Variants in SLC22A23 observed in about 807,000 individuals in gnomAD.
SLC22A23 encodes the protein solute carrier family 22 member 23.
In SLC22A23, 26 loss-of-function variants were observed where a neutral mutation model predicts 61.0. The observed-to-expected ratio is 0.43, with a 90% CI of 0.31 to 0.59. The LOEUF is 0.59. SLC22A23 is among the 20% of genes least tolerant of loss of function. The pLI is 0.11. For synonymous variants in SLC22A23, 430 were observed against 413.9 expected (o/e 1.04, Z -0.47); for missense variants, 796 against 934.7 (o/e 0.85, Z 1.94).
intron 3 of SLC22A23, among the ~76,000 whole-genome samples, chr6:3,369,933 A>G (rs1766099923): frequency 1.3e-5 from 2 of 152,256 alleles, no homozygotes; most frequent in South Asian, 4.1e-4. Context: ...CATTCAAGAG[A>G]AAAAATAATA....
intron 3 of SLC22A23, among the ~76,000 whole-genome samples, chr6:3,380,325 G>C (rs28414822): frequency 0.013 from 2,012 of 152,304 alleles, 47 homozygotes; most frequent in African/African-American, 0.041. Flanking sequence ...AAGTAAGATA[G>C]TAGTATAAGG....
At chr6:3,289,353 G>A (rs1760350695) in intron 6 of SLC22A23, among the ~76,000 whole-genome samples, 1 of 152,266 alleles carries the variant, frequency 6.6e-6, no homozygotes, top group South Asian at 2.1e-4. Flanking sequence ...CCTTTGGCCA[G>A]GCTGGCTGCA....
chr6:3,389,776 TGCAAAGCAG>T (rs1438147815), intron 3 of SLC22A23, among the ~76,000 whole-genome samples: 1 of 152,244 alleles, frequency 6.6e-6, no homozygotes. Flanking sequence ...GAATCACCCC[TGCAAAGCAG>T]GCATAAGGGG....
intron 3 of SLC22A23, among the ~76,000 whole-genome samples, chr6:3,374,341 G>A (rs6919934): frequency 0.48 from 72,410 of 152,086 alleles, 17,508 homozygotes; most frequent in Middle Eastern, 0.56. Flanking sequence ...CTGGGTGGAT[G>A]AGAATAACCA....
At chr6:3,273,477 C>T (rs911732871) in intron 9 of SLC22A23, 65 bp from the exon 10 acceptor site, 11 of 1,570,540 alleles carry the variant, frequency 7.0e-6, no homozygotes, top group Admixed American at 1.7e-5. Flanking sequence ...CGGGAAAGCT[C>T]GGGGTGGACC....
intron 1 of SLC22A23, 93 bp downstream of exon 1, chr6:3,455,813 C>T (rs1442245306): frequency 1.4e-6 from 2 of 1,408,588 alleles, no homozygotes; most frequent in Admixed American, 2.8e-5. Flanking sequence ...TCTAGCACCA[C>T]CACTTTGGGG....
chr6:3,443,665 A>C (rs1771732617), intron 1 of SLC22A23, among the ~76,000 whole-genome samples: 1 of 152,202 alleles, frequency 6.6e-6, no homozygotes, highest in Non-Finnish European at 1.5e-5. Flanking sequence ...AGCCGGAACC[A>C]TATCCTGTCA....
rs1294627484 is a variant in SLC22A23 at position 3,269,006 on chromosome 6, C to G, written c.*4049G>C. The G allele has an allele frequency of 3.3e-5, 5 of 152,312 alleles. No homozygotes were observed. The highest frequency in any genetic ancestry group is 1.2e-4 in the African/African-American group (5 of 41,434). 9.4% of individuals were successfully genotyped at this position (152,312 alleles called of 1,614,324 possible). ...AAATACTTTATTAAAGAAATATTGT[C>G]ATTTTCGTTAAAAAATACATTAGAG... On this transcript the variant is annotated 3_prime_UTR_variant, in exon 10 of 10. Coordinates refer to ENST00000406686, the MANE Select transcript of SLC22A23 (RefSeq NM_015482.2).
At chr6:3,444,169 T>C (rs2127553992) in intron 1 of SLC22A23, among the ~76,000 whole-genome samples, 1 of 152,302 alleles carries the variant, frequency 6.6e-6, no homozygotes, top group South Asian at 2.1e-4. Context: ...AGGAATCCAC[T>C]TCATGCACTC....
At chr6:3,400,892 T>C (rs1768340182) in intron 3 of SLC22A23, among the ~76,000 whole-genome samples, 1 of 152,232 alleles carries the variant, frequency 6.6e-6, no homozygotes, top group Non-Finnish European at 1.5e-5. Flanking sequence ...GTCACGGGAA[T>C]ATCATGTTTC....
intron 3 of SLC22A23, among the ~76,000 whole-genome samples, chr6:3,385,138 G>A (rs1767207583): frequency 6.6e-6 from 1 of 152,194 alleles, no homozygotes; most frequent in Admixed American, 6.5e-5. Flanking sequence ...TTGGGAAGAT[G>A]AAAAGAGTTC....
chr6:3,291,603 G>A (rs1760598876), intron 5 of SLC22A23: 1 of 152,154 alleles, frequency 6.6e-6, no homozygotes, highest in Non-Finnish European at 1.5e-5. Context: ...AGCTCCCAAG[G>A]TCCATTATTT....
intron 1 of SLC22A23, among the ~76,000 whole-genome samples, chr6:3,449,077 A>T (rs1424061501): frequency 6.6e-6 from 1 of 152,256 alleles, no homozygotes. Flanking sequence ...CTAAATGTTT[A>T]GGACGTTGTT....
chr6:3,308,710 C>T lies in SLC22A23; in HGVS notation c.1083-10492G>A, dbSNP rs1222007185. ...CTGTAATCCCAGTACTTTGGGAGGT[C>T]GAGGTGGGTGGATCATGAGGTAAGG... is the stretch of plus-strand genomic sequence containing the variant. On this transcript the variant is annotated intron_variant, in intron 4 of 9. Transcript: ENST00000406686. This position sits in a 1 kb window ranked among gnomAD's most constrained non-coding sequence, Gnocchi z 5.1. 2.6e-5 allele frequency among the ~76,000 whole-genome samples: 4 copies of T among 152,088 alleles called. No individual in the cohort carries two copies. The highest frequency in any genetic ancestry group is 7.2e-5 in the African/African-American group (3 of 41,416).
chr6:3,274,226 C>T (rs1758694050), intron 9 of SLC22A23, among the ~76,000 whole-genome samples: 1 of 152,216 alleles, frequency 6.6e-6, no homozygotes, highest in South Asian at 2.1e-4. Flanking sequence ...CCTAAAAACA[C>T]ATTACTGGGA....
chr6:3,276,461 T>C (rs1365008341), intron 9 of SLC22A23, among the ~76,000 whole-genome samples: 2 of 152,216 alleles, frequency 1.3e-5, no homozygotes, highest in East Asian at 3.9e-4. Context: ...AAACCGATTT[T>C]CCTAGAACAC....
chr6:3,359,063 T>G (rs1349071844), intron 3 of SLC22A23, among the ~76,000 whole-genome samples: 1 of 152,116 alleles, frequency 6.6e-6, no homozygotes, highest in East Asian at 1.9e-4. Context: ...TCAAAATACA[T>G]AACTGCAAAA....
intron 3 of SLC22A23, among the ~76,000 whole-genome samples, chr6:3,362,831 T>G (rs942001430): frequency 2.2e-4 from 30 of 137,832 alleles, no homozygotes; most frequent in African/African-American, 8.1e-4. Context: ...GACCATCGAA[T>G]AAAGATTTTG....
At chr6:3,376,110 T>C (rs1766543670) in intron 3 of SLC22A23, among the ~76,000 whole-genome samples, 1 of 152,204 alleles carries the variant, frequency 6.6e-6, no homozygotes, top group South Asian at 2.1e-4. Context: ...TATTAAACAA[T>C]TGTGCCAGTA....
Sources: allele counts gnomAD v4.1 joint callset (sites outside exome capture counted in the v4.1 genomes callset), GRCh38; gene constraint gnomAD v4.1.1; non-coding constraint Gnocchi (gnomAD v3.1); transcripts MANE v1.5; gene names NCBI Gene and HGNC (gene_info 2026-07-23, HGNC 2026-07-21).